ADAMTS6: variants seen among roughly 807,000 people sequenced by gnomAD.
ADAMTS6 encodes the protein ADAM metallopeptidase with thrombospondin type 1 motif 6, also known as A disintegrin and metalloproteinase with thrombospondin motifs 6.
ADAMTS6 carries 23 observed loss-of-function variants against 144.3 expected under a neutral mutation model. The ratio of observed to expected loss-of-function variants is 0.16; its 90% confidence interval spans 0.11 to 0.23. The LOEUF (loss-of-function observed/expected upper bound fraction) is 0.23. Among genes scored for constraint, ADAMTS6 ranks in the 10% least tolerant of loss-of-function variants. The pLI is 1.00. For synonymous variants in ADAMTS6, 444 were observed against 457.5 expected (o/e 0.97, Z 0.38); for missense variants, 999 against 1,379.6 (o/e 0.72, Z 4.37).
At position 65,410,242 on chromosome 5, in the gene ADAMTS6, A is replaced by G. The variant is rs186481680; in HGVS notation, c.1073+41233T>C. 3.3e-5 allele frequency among the ~76,000 whole-genome samples: 5 copies of G among 152,348 alleles called. No individual in the cohort carries two copies. The East Asian group carries it at 5.8e-4, about 18-fold the overall frequency. Reference sequence around the variant, plus strand: ...CCAACTACGCAACAAAAGTCAATGTATTATGAAAAATAACATTTCTTCATG... The same window carrying G: ...CCAACTACGCAACAAAAGTCAATGTGTTATGAAAAATAACATTTCTTCATG... On this transcript the variant is annotated intron_variant, in intron 7 of 24. Coordinates refer to ENST00000381055, the MANE Select transcript of ADAMTS6 (RefSeq NM_197941.4).
Position 65,471,053 on chromosome 5 carries a change from T to G in ADAMTS6, c.187A>C (p.Asn63His). 1 of 1,611,584 alleles carries G rather than the reference T, an allele frequency of 6.2e-7. No individual in the cohort carries two copies. The highest frequency in any genetic ancestry group is 8.5e-7 in the Non-Finnish European group (1 of 1,179,166). ...NGAFLSFTVK[N>H]DKHSRRRRSM... Reference sequence around the variant, plus strand: ...CGTCTTCTCCTTGAGTGTTTATCATTTTTCACAGTAAAGCTGAGAAATGCT... The same window carrying G: ...CGTCTTCTCCTTGAGTGTTTATCATGTTTCACAGTAAAGCTGAGAAATGCT... The change falls in exon 3 of 25, where the codon AAT becomes CAT. Residue 63 changes from asparagine to histidine, a missense_variant. Asn to His is a moderately conservative substitution (Grantham distance 68, BLOSUM62 1). Transcript: ENST00000381055.
At chr5:65,471,270 G>A in intron 2 of ADAMTS6, 128 bp from the exon 3 acceptor site, 2 of 886,690 alleles carry the variant, frequency 2.3e-6, no homozygotes, top group Non-Finnish European at 3.1e-6. Flanking sequence ...TATATGTGAG[G>A]TATGTACAAA....
chr5:65,445,147 T>A (rs1758168517), intron 7 of ADAMTS6, among the ~76,000 whole-genome samples: 1 of 152,180 alleles, frequency 6.6e-6, no homozygotes, highest in Non-Finnish European at 1.5e-5. Flanking sequence ...TTATTCAAGG[T>A]GTGTATAAAG....
chr5:65,152,053 A>G, intron 24 of ADAMTS6, 108 bp from the exon 25 acceptor site: 2 of 893,572 alleles, frequency 2.2e-6, no homozygotes, highest in Non-Finnish European at 1.7e-6. Flanking sequence ...GGGCCAATCC[A>G]CCTTGGCTTC....
intron 20 of ADAMTS6, among the ~76,000 whole-genome samples, chr5:65,211,130 T>G (rs191930493): frequency 3.9e-5 from 6 of 152,332 alleles, no homozygotes; most frequent in African/African-American, 1.4e-4. Flanking sequence ...TGGGTCAAAG[T>G]TCCTAAACTC....
intron 7 of ADAMTS6, among the ~76,000 whole-genome samples, chr5:65,371,389 G>T (rs10215406): frequency 0.12 from 17,768 of 150,854 alleles, 1,161 homozygotes; most frequent in African/African-American, 0.18. Flanking sequence ...TTTAGAAGAA[G>T]GTATAACTAG....
At chr5:65,327,666 C>T (rs1215895880) in intron 9 of ADAMTS6, among the ~76,000 whole-genome samples, 1 of 152,094 alleles carries the variant, frequency 6.6e-6, no homozygotes, top group African/African-American at 2.4e-5. Flanking sequence ...AAAGGATTTA[C>T]CTATAAGGCC....
At chr5:65,397,995 G>A (rs1421196282) in intron 7 of ADAMTS6, among the ~76,000 whole-genome samples, 1 of 151,584 alleles carries the variant, frequency 6.6e-6, no homozygotes, top group Non-Finnish European at 1.5e-5. Flanking sequence ...AACAGATATT[G>A]TATGATATCT....
intron 7 of ADAMTS6, among the ~76,000 whole-genome samples, chr5:65,347,193 A>C (rs1748406364): frequency 6.6e-6 from 1 of 151,996 alleles, no homozygotes; most frequent in African/African-American, 2.4e-5. Context: ...ATAGAAAAAA[A>C]AAATTCCTAA....
chr5:65,469,489 G>C (rs6875663), intron 3 of ADAMTS6, among the ~76,000 whole-genome samples: 20,227 of 152,058 alleles, frequency 0.13, 4,476 homozygotes, highest in African/African-American at 0.46. Flanking sequence ...CATATGAAAA[G>C]TTTTAGAACA....
chr5:65,386,079 G>C (rs1482370656), intron 7 of ADAMTS6, among the ~76,000 whole-genome samples: 1 of 152,118 alleles, frequency 6.6e-6, no homozygotes, highest in African/African-American at 2.4e-5. Flanking sequence ...TACTAAATAA[G>C]CTATAATTCT....
chr5:65,439,515 T>G (rs192857070), intron 7 of ADAMTS6, among the ~76,000 whole-genome samples: 1 of 152,228 alleles, frequency 6.6e-6, no homozygotes, highest in East Asian at 1.9e-4. Flanking sequence ...AATGAAGATA[T>G]GTCTCATAAA....
chr5:65,389,993 GT>G (rs1561492327), intron 7 of ADAMTS6, among the ~76,000 whole-genome samples: 1 of 152,106 alleles, frequency 6.6e-6, no homozygotes. Context: ...CAAAATCACA[GT>G]GTCTTAGAAG....
At chr5:65,454,512 A>G (rs1158052604) in intron 4 of ADAMTS6, among the ~76,000 whole-genome samples, 2 of 152,232 alleles carry the variant, frequency 1.3e-5, no homozygotes, top group Non-Finnish European at 2.9e-5. Context: ...GATGGCCTCC[A>G]TGACCTCTGT....
intron 7 of ADAMTS6, among the ~76,000 whole-genome samples, chr5:65,393,053 T>C (rs1307468489): frequency 1.3e-5 from 2 of 152,188 alleles, no homozygotes; most frequent in South Asian, 2.1e-4. Flanking sequence ...ATCTCATTTA[T>C]AGTCATTCAT....
chr5:65,250,983 G>A (rs756017465), intron 14 of ADAMTS6: 4 of 152,086 alleles, frequency 2.6e-5, no homozygotes, highest in Non-Finnish European at 5.9e-5. Flanking sequence ...GTTACAATAT[G>A]TACATCAATT....
intron 20 of ADAMTS6, among the ~76,000 whole-genome samples, chr5:65,206,572 C>T (rs980602228): frequency 2.0e-5 from 3 of 151,682 alleles, no homozygotes; most frequent in Non-Finnish European, 4.4e-5. Flanking sequence ...TGGTGGCATG[C>T]GCCTGTAATT....
intron 8 of ADAMTS6, among the ~76,000 whole-genome samples, chr5:65,331,704 A>T (rs533466782): frequency 3.3e-5 from 5 of 152,126 alleles, no homozygotes; most frequent in Admixed American, 3.3e-4. Context: ...ACAATTGGTC[A>T]TCAGAATTAT....
At chr5:65,446,730 T>C (rs1314283377) in intron 7 of ADAMTS6, among the ~76,000 whole-genome samples, 2 of 152,138 alleles carry the variant, frequency 1.3e-5, no homozygotes, top group East Asian at 3.8e-4. Flanking sequence ...ATTATTTCAT[T>C]TGTATGTATG....
Sources: allele counts gnomAD v4.1 joint callset (sites outside exome capture counted in the v4.1 genomes callset), GRCh38; gene constraint gnomAD v4.1.1; transcripts MANE v1.5; gene names NCBI Gene and HGNC (gene_info 2026-07-23, HGNC 2026-07-21).